ATP2C2: variants seen among roughly 807,000 people sequenced by gnomAD.
ATP2C2 encodes calcium-transporting ATPase type 2C member 2.
ATP2C2 carries 171 observed loss-of-function variants against 110.8 expected under a neutral mutation model. The ratio of observed to expected loss-of-function variants is 1.54; its 90% CI spans 1.36 to 1.75. ATP2C2 has a LOEUF of 1.75. Ranked by LOEUF, ATP2C2 falls within the 40% of genes most tolerant of loss-of-function variation. The pLI, the probability that ATP2C2 is intolerant of heterozygous loss-of-function variation, is 0.00. For synonymous variants in ATP2C2, 804 were observed against 508.4 expected, an observed-to-expected ratio of 1.58 and a Z score of -7.82; for missense variants, 1,963 against 1,235.0, an observed-to-expected ratio of 1.59 and a Z score of -8.84.
chr16:84,439,491 C>T lies in ATP2C2; in HGVS notation c.1176C>T (p.Thr392=). 6.2e-7 allele frequency: 1 copy of T among 1,614,034 alleles called. No homozygotes were observed. The highest frequency in any genetic ancestry group is 8.5e-7 in the Non-Finnish European group (1 of 1,180,028). ...GTLTANEMTV[T]QLVTSDGLRA... is the part of the protein sequence containing the mutation. ...TGACTGCCAATGAAATGACAGTGAC[C>T]CAGCTTGTAACGTCAGATGGGCTTC... The change falls in exon 13 of 27, where the codon ACC becomes ACT. Residue 392 remains threonine, a synonymous_variant. Transcript: ENST00000262429.
chr16:84,406,645 T>G, intron 3 of ATP2C2: 1 of 985,492 alleles, frequency 1.0e-6, no homozygotes, highest in Non-Finnish European at 1.2e-6. Flanking sequence ...AAAATAGGCT[T>G]CTGGGTATGT....
intron 15 of ATP2C2, 94 bp from the exon 16 acceptor site, chr16:84,446,235 G>A (rs1047548429): frequency 3.3e-6 from 2 of 608,378 alleles, no homozygotes; most frequent in Non-Finnish European, 5.2e-6. Context: ...TCTGCCAGAG[G>A]TGGTTTGAAC....
Position 84,455,611 on chromosome 16 carries a change from G to A in ATP2C2, c.2147+627G>A, listed in dbSNP as rs542748622. On this transcript the variant is annotated intron_variant, in intron 21 of 26. Coordinates refer to ENST00000262429, the MANE Select transcript of ATP2C2 (RefSeq NM_014861.4). The stretch of plus-strand genomic sequence containing the variant: ...AGACTCTCCTCATAAGCTAATCGCA[G>A]TGGTTAGTTGGGGGTGAGGGAAAAC... 2.0e-5 allele frequency among the ~76,000 whole-genome samples: 3 copies of A among 152,148 alleles called. No individual in the cohort carries two copies. The South Asian group carries it at 6.2e-4, about 32-fold the overall frequency.
intron 18 of ATP2C2, among the ~76,000 whole-genome samples, chr16:84,452,836 G>A (rs990643031): frequency 6.6e-6 from 1 of 152,094 alleles, no homozygotes; most frequent in African/African-American, 2.4e-5. Flanking sequence ...TCAGCCTGGT[G>A]CTGGGAAAAG....
intron 24 of ATP2C2, 74 bp from the exon 25 acceptor site, chr16:84,461,640 G>A (rs1911349293): frequency 7.4e-7 from 1 of 1,345,308 alleles, no homozygotes; most frequent in South Asian, 1.2e-5. Flanking sequence ...CAGTGAGGCA[G>A]GCCTGTGCCC....
At chr16:84,391,344 C>A (rs1335363968) in intron 1 of ATP2C2, among the ~76,000 whole-genome samples, 1 of 152,236 alleles carries the variant, frequency 6.6e-6, no homozygotes, top group African/African-American at 2.4e-5. Flanking sequence ...ACTGCCATCT[C>A]TCGCATCTTC....
At chr16:84,447,678 C>CATATATTATTTAATATATATTATTTAAT (rs1191541438) in intron 16 of ATP2C2, among the ~76,000 whole-genome samples, 1 of 141,906 alleles carries the variant, frequency 7.0e-6, no homozygotes, top group African/African-American at 2.7e-5. Context: ...ACATATATTA[C>CATATATTATTTAATATATATTATTTAAT]ATATATTATT....
intron 17 of ATP2C2, among the ~76,000 whole-genome samples, chr16:84,449,807 C>G (rs1176693467): frequency 6.6e-6 from 1 of 152,226 alleles, no homozygotes; most frequent in African/African-American, 2.4e-5. Context: ...CTGTTCTTGT[C>G]ACATCACGCC....
intron 1 of ATP2C2, among the ~76,000 whole-genome samples, chr16:84,382,261 T>A (rs982541115): frequency 6.6e-6 from 1 of 152,208 alleles, no homozygotes; most frequent in Non-Finnish European, 1.5e-5. Context: ...CTGTGTTAGT[T>A]TGCTGAGAAT....
At position 84,453,596 on chromosome 16, in the gene ATP2C2, G is replaced by C. The variant is rs367648116; in HGVS notation, c.1980+225G>C. ...GCTCCCTTGGAGAGGACGAGGCTCT[G>C]AAGTTGCCAGCAACACTTGCGCTGA... On this transcript the variant is annotated intron_variant, in intron 20 of 26. Transcript: ENST00000262429. Among the ~76,000 whole-genome samples the C allele has an allele frequency of 1.4e-4, 21 of 152,294 alleles. No individual in the cohort carries two copies. In the East Asian group the frequency reaches 2.7e-3, roughly 20 times the overall value.
intron 1 of ATP2C2, among the ~76,000 whole-genome samples, chr16:84,391,551 A>T (rs1904664014): frequency 6.6e-6 from 1 of 152,250 alleles, no homozygotes; most frequent in South Asian, 2.1e-4. Context: ...AAAAGCAGAC[A>T]GAGACGCTTG....
rs1172123170 is a variant in ATP2C2, at chr16:84,448,467, G to C, written c.1504-66G>C. 8 of 1,522,762 alleles carry C rather than the reference G, an allele frequency of 5.3e-6. No homozygotes were observed. The East Asian group carries it at 6.9e-5, about 13-fold the overall frequency. 94.3% of individuals were successfully genotyped at this position (1,522,762 alleles called of 1,614,324 possible). ...TGTCTTTGTAACCTTGTGCAGAGTGGGGTGATGGTCAGTATGAACCAAGGC... is the reference window on the plus strand; with the variant it reads ...TGTCTTTGTAACCTTGTGCAGAGTGCGGTGATGGTCAGTATGAACCAAGGC... On this transcript the variant is annotated intron_variant, in intron 16 of 26. Coordinates refer to ENST00000262429, the MANE Select transcript of ATP2C2 (RefSeq NM_014861.4).
At chr16:84,384,751 T>TATAAAG (rs1380792330) in intron 1 of ATP2C2, among the ~76,000 whole-genome samples, 1 of 152,138 alleles carries the variant, frequency 6.6e-6, no homozygotes, top group Non-Finnish European at 1.5e-5. Context: ...CTCACACTGC[T>TATAAAG]ATAAAGAAAT....
intron 11 of ATP2C2, 98 bp from the exon 12 acceptor site, chr16:84,439,068 A>C (rs940209815): frequency 6.5e-6 from 10 of 1,536,562 alleles, no homozygotes; most frequent in Non-Finnish European, 8.8e-6. Context: ...GGGGACACCT[A>C]AGACAAGCTT....
intron 11 of ATP2C2, among the ~76,000 whole-genome samples, chr16:84,435,867 G>A (rs1248289697): frequency 4.0e-5 from 6 of 151,746 alleles, no homozygotes; most frequent in Admixed American, 1.3e-4. Flanking sequence ...AGAGGATCAC[G>A]CCTGTGATCC....
At chr16:84,453,429 G>A (rs1419910188) in intron 20 of ATP2C2, 58 bp downstream of exon 20, 21 of 1,602,664 alleles carry the variant, frequency 1.3e-5, no homozygotes, top group Non-Finnish European at 1.8e-5. Flanking sequence ...GAGACACTGT[G>A]GCTCGAGGAG....
chr16:84,433,837 C>G (rs1386169287), intron 11 of ATP2C2, among the ~76,000 whole-genome samples: 1 of 152,146 alleles, frequency 6.6e-6, no homozygotes, highest in African/African-American at 2.4e-5. Context: ...CCAAATACCC[C>G]AATTCTCTCC....
intron 1 of ATP2C2, among the ~76,000 whole-genome samples, chr16:84,397,457 A>G (rs1041965447): frequency 1.1e-4 from 16 of 151,472 alleles, no homozygotes; most frequent in Admixed American, 9.9e-4. Context: ...ACAAGTTTCA[A>G]TTCTGTAAAA....
intron 9 of ATP2C2, 129 bp from the exon 10 acceptor site, chr16:84,423,059 A>G: frequency 2.7e-6 from 2 of 734,536 alleles, no homozygotes; most frequent in Admixed American, 2.5e-5. Context: ...AAGTCAATGA[A>G]TGTTGACATA....
Sources: allele counts gnomAD v4.1 joint callset (sites outside exome capture counted in the v4.1 genomes callset), GRCh38; gene constraint gnomAD v4.1.1; transcripts MANE v1.5; gene names NCBI Gene and HGNC (gene_info 2026-07-23, HGNC 2026-07-21).